The following PCDHA8 variants were observed in gnomAD, a reference collection of about 807,000 sequenced individuals.
PCDHA8 encodes protocadherin alpha-8.
In PCDHA8, 53 loss-of-function variants were observed where a neutral mutation model predicts 61.8. The observed-to-expected ratio is 0.86, with a 90% CI of 0.69 to 1.08. The LOEUF is 1.08. PCDHA8 is among the 50% of genes least tolerant of loss of function. The probability of loss-of-function intolerance (pLI) is 0.00; values close to 1 mark genes in which losing one functional copy is unlikely to be tolerated. For synonymous variants in PCDHA8, 618 were observed against 556.6 expected, an observed-to-expected ratio of 1.11 and a Z score of -1.55; for missense variants, 1,293 against 1,245.0, an observed-to-expected ratio of 1.04 and a Z score of -0.58.
chr5:140,987,789 G>T (rs1356794638), intron 3 of PCDHA8, among the ~76,000 whole-genome samples: 2 of 152,136 alleles, frequency 1.3e-5, no homozygotes, highest in African/African-American at 4.8e-5. Context: ...CTATAGAGAA[G>T]ATTTTTTTAA....
rs74450843 is a variant in PCDHA8 at position 140,951,654 on chromosome 5, C to A, written c.2395-27295C>A. ...GCCCCATGATCTAATCACCTCCCAC[C>A]AGGGCCTGCCTACAAAATTGGGGAT... On this transcript the variant is annotated intron_variant, in intron 1 of 3. Coordinates refer to ENST00000531613, the MANE Select transcript of PCDHA8 (RefSeq NM_018911.3). 1.1e-4 allele frequency among the ~76,000 whole-genome samples: 16 copies of A among 152,248 alleles called. No homozygotes were observed. In the East Asian group the frequency reaches 3.1e-3, roughly 29 times the overall value.
Position 140,876,841 on chromosome 5 carries a change from C to T in PCDHA8, c.2394+33126C>T, listed in dbSNP as rs782712356. ...GAACGACAATGCGCCTGCGTTCGCGCAGCCCGAGTACACAGTGTTCGTGAA... is the reference window on the plus strand; with the variant it reads ...GAACGACAATGCGCCTGCGTTCGCGTAGCCCGAGTACACAGTGTTCGTGAA... On this transcript the variant is annotated intron_variant, in intron 1 of 3. Transcript: ENST00000531613. 4.3e-6 allele frequency: 7 copies of T among 1,614,130 alleles called. No homozygotes were observed. In the South Asian group the frequency reaches 7.7e-5, roughly 18 times the overall value.
intron 1 of PCDHA8, chr5:140,869,538 T>C (rs536846543): frequency 1.2e-6 from 2 of 1,614,204 alleles, no homozygotes; most frequent in East Asian, 4.5e-5. Context: ...TTGCGGAATC[T>C]AAGCAATCGG....
At chr5:140,906,807 A>G (rs2072952420) in intron 1 of PCDHA8, among the ~76,000 whole-genome samples, 1 of 152,004 alleles carries the variant, frequency 6.6e-6, no homozygotes, top group African/African-American at 2.4e-5. Flanking sequence ...ACTCTTCCTT[A>G]CCTCCACTGT....
In PCDHA8 at chr5:140,853,519, C is replaced by G. The variant is rs73793503; in HGVS notation, c.2394+9804C>G. ...GAATCATGAAACAATAATGAAGCTCCTCCTATGTCTCTTTTCAAGTTGTAA... is the reference window on the plus strand; with the variant it reads ...GAATCATGAAACAATAATGAAGCTCGTCCTATGTCTCTTTTCAAGTTGTAA... On this transcript the variant is annotated intron_variant, in intron 1 of 3. Transcript: ENST00000531613. The G allele has an allele frequency of 2.2e-3, 2,124 of 976,444 alleles. 135 individuals are homozygous for G. The African/African-American group carries it at 0.036, about 16-fold the overall frequency. The allele number at this position is 976,444 out of a possible 1,614,324, so 60.5% of individuals were successfully genotyped here. A position where few individuals can be genotyped will look rare whatever the true frequency, so the allele number is the denominator to read the frequency against.
chr5:140,890,259 T>C (rs1303485467), intron 1 of PCDHA8, among the ~76,000 whole-genome samples: 2 of 152,140 alleles, frequency 1.3e-5, no homozygotes, highest in Admixed American at 6.6e-5. Flanking sequence ...CTGCACCTGA[T>C]TGCAAGCAAG....
chr5:140,927,260 T>G, intron 1 of PCDHA8: 2 of 1,614,070 alleles, frequency 1.2e-6, no homozygotes, highest in Non-Finnish European at 1.7e-6. Flanking sequence ...AACTCACCTC[T>G]CTTTCCTGCC....
intron 1 of PCDHA8, among the ~76,000 whole-genome samples, chr5:140,964,979 G>A (rs1325298604): frequency 1.3e-5 from 2 of 152,204 alleles, no homozygotes; most frequent in African/African-American, 4.8e-5. Flanking sequence ...GGATGTGCTA[G>A]TTCAGGCCTT....
Position 140,856,573 on chromosome 5 carries a change from G to A in PCDHA8, c.2394+12858G>A, listed in dbSNP as rs1168113677. 4.4e-6 allele frequency: 7 copies of A among 1,597,600 alleles called. No individual in the cohort carries two copies. The African/African-American group carries it at 5.4e-5, about 12-fold the overall frequency. ...TTACTTACAAACTCAGTCCAAATGA[G>A]TATTTTGTTCTTGATATTATAAACA... On this transcript the variant is annotated intron_variant, in intron 1 of 3. Transcript: ENST00000531613.
At chr5:140,897,758 C>T (rs2066305789) in intron 1 of PCDHA8, among the ~76,000 whole-genome samples, 3 of 152,140 alleles carry the variant, frequency 2.0e-5, no homozygotes, top group Non-Finnish European at 4.4e-5. Context: ...CCTGAGGAAT[C>T]GCCACACTGA....
At chr5:140,856,666 G>A (rs782273873) in intron 1 of PCDHA8, 1 of 1,598,010 alleles carries the variant, frequency 6.3e-7, no homozygotes, top group Admixed American at 1.7e-5. Flanking sequence ...AAAATCCTCA[G>A]CTAAAGTTGT....
In PCDHA8 at chr5:140,841,294, A is replaced by C; in HGVS notation, c.-28A>C. ...TCGTTCATCTTTATATTAAGATAAT[A>C]TTTTCTGATAGGAAACGACTATTTA... On this transcript the variant is annotated 5_prime_UTR_variant, in exon 1 of 4. Transcript: ENST00000531613. The C allele has an allele frequency of 6.4e-7, 1 of 1,563,306 alleles. No individual in the cohort carries two copies. The highest frequency in any genetic ancestry group is 8.6e-7 in the Non-Finnish European group (1 of 1,157,426).
chr5:140,896,748 A>T (rs1554187100), intron 1 of PCDHA8, among the ~76,000 whole-genome samples: 1 of 151,856 alleles, frequency 6.6e-6, no homozygotes, highest in African/African-American at 2.4e-5. Context: ...TAGATTCTGG[A>T]TATTAGACCT....
chr5:140,898,980 G>A (rs2067076537), intron 1 of PCDHA8, among the ~76,000 whole-genome samples: 1 of 151,930 alleles, frequency 6.6e-6, no homozygotes, highest in South Asian at 2.1e-4. Flanking sequence ...CTCATGATTT[G>A]GCTCTCTGTT....
intron 1 of PCDHA8, among the ~76,000 whole-genome samples, chr5:140,905,327 TG>T (rs2071747762): frequency 6.6e-6 from 1 of 152,202 alleles, no homozygotes; most frequent in Non-Finnish European, 1.5e-5. Context: ...TATGCTTTGT[TG>T]AAGATCAGTT....
intron 1 of PCDHA8, chr5:140,883,969 G>C: frequency 6.2e-7 from 1 of 1,612,962 alleles, no homozygotes; most frequent in Non-Finnish European, 8.5e-7. Context: ...CGCTGCTGAC[G>C]CCCGGGGCTG....
intron 1 of PCDHA8, chr5:140,855,985 T>C (rs1308397078): frequency 1.4e-6 from 2 of 1,473,214 alleles, no homozygotes; most frequent in East Asian, 2.3e-5. Flanking sequence ...GGACAGAAAA[T>C]GTCAGATCGT....
intron 1 of PCDHA8, chr5:140,882,076 G>A: frequency 1.1e-6 from 1 of 920,546 alleles, no homozygotes. Flanking sequence ...TGCGCATGGT[G>A]TCGCTCTTCA....
chr5:140,858,038 G>A, intron 1 of PCDHA8: 1 of 1,596,684 alleles, frequency 6.3e-7, no homozygotes, highest in East Asian at 2.2e-5. Context: ...CACGGCCACT[G>A]TGCTTGTGTC....
Sources: gnomAD v4.1 joint callset for allele counts (sites outside exome capture counted in the v4.1 genomes callset) on GRCh38, gnomAD v4.1.1 for gene constraint, MANE v1.5 for transcripts, NCBI Gene and HGNC (gene_info 2026-07-23, HGNC 2026-07-21) for gene names.